The following MYG1 variants were observed in gnomAD, a reference collection of about 807,000 sequenced individuals.
The protein encoded by MYG1 is UPF0160 protein MYG1, mitochondrial.
A neutral mutation model predicts 43.5 loss-of-function variants in MYG1; 36 were observed. The observed-to-expected ratio is 0.83, with a 90% CI of 0.63 to 1.09. The LOEUF (loss-of-function observed/expected upper bound fraction) is 1.09, where lower values mean the gene tolerates loss of function less well. MYG1 is among the 50% of genes least tolerant of loss of function. MYG1 has a pLI of 0.00. For missense variants in MYG1, 529 were observed against 495.1 expected, an observed-to-expected ratio of 1.07 and a Z score of -0.65; for synonymous variants, 220 against 202.8, an observed-to-expected ratio of 1.08 and a Z score of -0.72.
At chr12:53,302,297 A>G (rs1167636951) in intron 2 of MYG1, among the ~76,000 whole-genome samples, 2 of 152,180 alleles carry the variant, frequency 1.3e-5, no homozygotes, top group South Asian at 2.1e-4. Flanking sequence ...CTCAATATTT[A>G]ATAATAAAAG....
Position 53,306,218 on chromosome 12 carries a change from G to A in MYG1, c.663G>A (p.Met221Ile). The A allele has an allele frequency of 6.2e-6, 10 of 1,614,248 alleles. No individual in the cohort carries two copies. The highest frequency in any genetic ancestry group is 7.6e-6 in the Non-Finnish European group (9 of 1,180,054). ...QDTEAGFKRA[M>I]DLVQEEFLQR... ...CCCAGGCAGGGTTCAAGCGTGCAATGGATCTGGTTCAAGAGGAGTTTCTGC... is the reference window on the plus strand; with the variant it reads ...CCCAGGCAGGGTTCAAGCGTGCAATAGATCTGGTTCAAGAGGAGTTTCTGC... Residue 221 changes from methionine (M) to isoleucine (I), a missense_variant, in exon 5 of 7, where the codon ATG (methionine) becomes ATA (isoleucine). Physicochemically the swap from Met to Ile is conservative, Grantham distance 10. Transcript: ENST00000267103.
Position 53,299,813 on chromosome 12 carries a change from C to A in MYG1, c.76C>A (p.Leu26Ile). The A allele has an allele frequency of 6.2e-7, 1 of 1,614,170 alleles. No individual in the cohort carries two copies. Residue 26 changes from leucine (L) to isoleucine (I), a missense_variant, in exon 1 of 7, where the codon CTC becomes ATC. Leu to Ile is a conservative substitution (Grantham distance 5, BLOSUM62 2). Coordinates refer to ENST00000267103, the MANE Select transcript of MYG1 (RefSeq NM_021640.4). ...ACCCCTGTATACCCGGCACCGCATG[C>A]TCGGTCCAGAGTCCGTCCCGCCCCC... is the stretch of plus-strand genomic sequence containing the variant. ...PPPLYTRHRM[L>I]GPESVPPPKR...
At chr12:53,302,908 T>C in intron 2 of MYG1, 126 bp from the exon 3 acceptor site, 15 of 1,186,866 alleles carry the variant, frequency 1.3e-5, no homozygotes, top group Non-Finnish European at 1.6e-5. Flanking sequence ...TCTTGGTTTT[T>C]TATCCTTAAT....
In MYG1 at chr12:53,299,807, C is replaced by T. The variant is rs560238657; in HGVS notation, c.70C>T (p.Arg24Cys). Residue 24 changes from arginine (R) to cysteine (C), a missense_variant, in exon 1 of 7, where the codon CGC becomes TGC. Arg to Cys is a radical substitution (Grantham distance 180, BLOSUM62 -3). Transcript: ENST00000267103. Reference protein sequence around the residue: ...LPPPPLYTRHRMLGPESVPPP... With the variant: ...LPPPPLYTRHCMLGPESVPPP... ...GCCGCCACCCCTGTATACCCGGCACCGCATGCTCGGTCCAGAGTCCGTCCC... is the reference window on the plus strand; with the variant it reads ...GCCGCCACCCCTGTATACCCGGCACTGCATGCTCGGTCCAGAGTCCGTCCC... The T allele has an allele frequency of 1.2e-6, 2 of 1,614,122 alleles. No individual in the cohort carries two copies. Among genetic ancestry groups the T allele is most frequent in the African/African-American group, 1.3e-5 (1 of 75,034 alleles).
chr12:53,304,617 TGA>T (rs1487824541), intron 3 of MYG1, among the ~76,000 whole-genome samples: 3 of 152,034 alleles, frequency 2.0e-5, no homozygotes, highest in Admixed American at 6.6e-5. Context: ...TATTTTTTTT[TGA>T]GAGACTGTTG....
At chr12:53,302,844 CAG>C (rs1944241462) in intron 2 of MYG1, among the ~76,000 whole-genome samples, 188 bp from the exon 3 acceptor site, 2 of 152,170 alleles carry the variant, frequency 1.3e-5, no homozygotes, top group South Asian at 2.1e-4. Context: ...TGAGAGTACT[CAG>C]GGGGTTGTGT....
At chr12:53,300,108 C>T in intron 1 of MYG1, 42 bp from the exon 2 acceptor site, 3 of 1,547,834 alleles carry the variant, frequency 1.9e-6, no homozygotes, top group South Asian at 1.2e-5. Flanking sequence ...ATCCCCTACC[C>T]GGCGACACCC....
At chr12:53,300,451 C>T (rs1358282680) in intron 2 of MYG1, 189 bp downstream of exon 2, 7 of 484,250 alleles carry the variant, frequency 1.4e-5, no homozygotes, top group Admixed American at 3.8e-5. Context: ...GGCCTGGGAC[C>T]TCCTTTGGTT....
intron 5 of MYG1, 88 bp from the exon 6 acceptor site, chr12:53,306,592 C>G: frequency 7.1e-7 from 1 of 1,414,664 alleles, no homozygotes; most frequent in Non-Finnish European, 9.7e-7. Flanking sequence ...GATCCTCCCA[C>G]CTCAGCCTCC....
intron 3 of MYG1, among the ~76,000 whole-genome samples, chr12:53,305,114 C>T (rs1054503677): frequency 1.5e-5 from 2 of 129,808 alleles, no homozygotes; most frequent in Admixed American, 8.0e-5. Context: ...GTGATCCGCC[C>T]GCCTCGGCCT....
intron 2 of MYG1, 51 bp from the exon 3 acceptor site, chr12:53,302,983 A>G (rs773373558): frequency 2.0e-6 from 3 of 1,509,182 alleles, no homozygotes; most frequent in Middle Eastern, 2.2e-4. Context: ...GAATGCATGG[A>G]GACTCTAGCC....
At position 53,306,824 on chromosome 12, in the gene MYG1, CA is replaced by C. The variant is rs1445988457; in HGVS notation, c.911del (p.Gln304ArgfsTer56). The C allele has an allele frequency of 4.3e-6, 7 of 1,613,932 alleles. No homozygotes were observed. Among genetic ancestry groups the C allele is most frequent in the Non-Finnish European group, 5.9e-6 (7 of 1,179,932 alleles). On this transcript the variant is annotated frameshift_variant, in exon 6 of 7. Coordinates refer to ENST00000267103, the MANE Select transcript of MYG1 (RefSeq NM_021640.4). LOFTEE classifies it high-confidence loss of function. Reference sequence around the variant, plus strand: ...TGACCAGGCTGGACAGTGGCGAATACAGTGTGTGCCCAAGGAGCCCCACTCA... The same window carrying C: ...TGACCAGGCTGGACAGTGGCGAATACGTGTGTGCCCAAGGAGCCCCACTCA... The part of the protein sequence containing the change: ...YTDQAGQWRI[Q>X]CVPKEPHSFQ...
Position 53,306,284 on chromosome 12 carries a change from G to A in MYG1, c.729G>A (p.Arg243=). ...ACCAACACAGCTGGCTGCCAGCCCG[G>A]GCCTTGGTGGAAGAGGCCCTTGCCC... ...DFYQHSWLPA[R]ALVEEALAQR... is the part of the protein sequence containing the mutation. The change falls in exon 5 of 7, where the codon CGG becomes CGA. Residue 243 remains arginine, a synonymous_variant. Transcript: ENST00000267103. The A allele has an allele frequency of 6.2e-7, 1 of 1,614,194 alleles. No homozygotes were observed. Among genetic ancestry groups the A allele is most frequent in the Non-Finnish European group, 8.5e-7 (1 of 1,180,040 alleles).
At position 53,302,144 on chromosome 12, in the gene MYG1, G is replaced by A. The variant is rs1565773307; in HGVS notation, c.330-890G>A. Among the ~76,000 whole-genome samples the A allele has an allele frequency of 2.0e-5, 3 of 152,124 alleles. No homozygotes were observed. The South Asian group carries it at 6.2e-4, about 32-fold the overall frequency. On this transcript the variant is annotated intron_variant, in intron 2 of 6. Transcript: ENST00000267103. The stretch of plus-strand genomic sequence containing the variant: ...CTACAGGCGTGTGCCACCATGTCCG[G>A]CTAATTTTTCCATTCTTAGTAGAAA...
Position 53,306,843 on chromosome 12 carries a change from C to T in MYG1, c.929C>T (p.Pro310Leu). 6.2e-7 allele frequency: 1 copy of T among 1,613,502 alleles called. No homozygotes were observed. Among genetic ancestry groups the T allele is most frequent in the Non-Finnish European group, 8.5e-7 (1 of 1,179,640 alleles). ...CGAATACAGTGTGTGCCCAAGGAGCCCCACTCATTCCAAAGCCGGTGAGGC... is the reference window on the plus strand; with the variant it reads ...CGAATACAGTGTGTGCCCAAGGAGCTCCACTCATTCCAAAGCCGGTGAGGC... ...QWRIQCVPKE[P>L]HSFQSRLPLP... is the part of the protein sequence containing the mutation. Residue 310 changes from proline to leucine, a missense_variant, in exon 6 of 7, where the codon CCC becomes CTC. Physicochemically the swap from Pro to Leu is moderately conservative, Grantham distance 98. Coordinates refer to ENST00000267103, the MANE Select transcript of MYG1 (RefSeq NM_021640.4).
Position 53,306,926 on chromosome 12 carries a change from GC to G in MYG1, c.948-38del, listed in dbSNP as rs568308688. ...GTCTCAGCCTTGTTAAGAGAAGGCT[GC>G]CAACTCTGACCCCTGCTGTACTCCC... is the stretch of plus-strand genomic sequence containing the variant. On this transcript the variant is annotated intron_variant, in intron 6 of 6. Transcript: ENST00000267103. 220 of 1,607,106 alleles carry G rather than the reference GC, an allele frequency of 1.4e-4. 2 individuals are homozygous for G. In the South Asian group the frequency reaches 2.4e-3, roughly 17 times the overall value.
chr12:53,306,922 G>A (rs1045181), intron 6 of MYG1, 44 bp from the exon 7 acceptor site: 1 of 1,606,752 alleles, frequency 6.2e-7, no homozygotes. Flanking sequence ...GTTAAGAGAA[G>A]GCTGCCAACT....
At chr12:53,304,937 C>T (rs1466328909) in intron 3 of MYG1, among the ~76,000 whole-genome samples, 1 of 144,768 alleles carries the variant, frequency 6.9e-6, no homozygotes, top group African/African-American at 2.6e-5. Context: ...GGCGGGATCT[C>T]GGCTCACTGC....
chr12:53,305,319 A>G (rs1172874981), intron 3 of MYG1, among the ~76,000 whole-genome samples: 1 of 152,122 alleles, frequency 6.6e-6, no homozygotes, highest in Non-Finnish European at 1.5e-5. Context: ...AATTTTGCAT[A>G]AAGTTTCTGC....
Sources: gnomAD v4.1 joint callset for allele counts (sites outside exome capture counted in the v4.1 genomes callset) on GRCh38, gnomAD v4.1.1 for gene constraint, MANE v1.5 for transcripts, NCBI Gene and HGNC (gene_info 2026-07-23, HGNC 2026-07-21) for gene names.